Variants in SYNPR observed in about 807,000 individuals in gnomAD.
SYNPR encodes synaptoporin.
A neutral mutation model predicts 32.9 loss-of-function variants in SYNPR; 23 were observed. That is an observed-to-expected ratio of 0.70 (90% CI 0.50 to 0.99). The LOEUF is 0.99. Ranked by LOEUF, SYNPR falls within the 50% of genes least tolerant of loss-of-function variation. The pLI is 0.00. For missense variants in SYNPR, 318 were observed against 349.3 expected, an observed-to-expected ratio of 0.91 and a Z score of 0.71; for synonymous variants, 146 against 135.9, an observed-to-expected ratio of 1.07 and a Z score of -0.52.
At chr3:63,488,041 T>C (rs192212378) in intron 3 of SYNPR, among the ~76,000 whole-genome samples, 18 of 152,194 alleles carry the variant, frequency 1.2e-4, no homozygotes, top group African/African-American at 3.1e-4. Flanking sequence ...AGCTGTGGAG[T>C]TTGGGCCATT....
intron 1 of SYNPR, among the ~76,000 whole-genome samples, chr3:63,246,438 G>A (rs9817648): frequency 0.84 from 127,204 of 152,012 alleles, 53,862 homozygotes; most frequent in African/African-American, 0.91. Context: ...GGCACTGGAG[G>A]TGCAGTGAAC....
chr3:63,585,178 A>G (rs966521653), intron 4 of SYNPR, among the ~76,000 whole-genome samples: 3 of 152,166 alleles, frequency 2.0e-5, no homozygotes, highest in Non-Finnish European at 4.4e-5. Flanking sequence ...ACAGTTATAT[A>G]TTGGAAATAT....
intron 1 of SYNPR, among the ~76,000 whole-genome samples, chr3:63,252,034 G>GGTAC (rs1015263097): frequency 1.3e-5 from 2 of 151,172 alleles, no homozygotes; most frequent in African/African-American, 4.9e-5. Context: ...ATGGTATGGG[G>GGTAC]GTACCATGGA....
chr3:63,444,224 A>G (rs1700232635), intron 2 of SYNPR: 2 of 152,220 alleles, frequency 1.3e-5, no homozygotes. Flanking sequence ...CTACTGCAAA[A>G]TGACTGTCCG....
rs574030194 is a variant in SYNPR at position 63,289,986 on chromosome 3, C to T, written c.84+11244C>T. On this transcript the variant is annotated intron_variant, in intron 2 of 5. Coordinates refer to ENST00000478300, the MANE Select transcript of SYNPR (RefSeq NM_001130003.2). ...TCTACTAAAAATACAAAAAATTAGC[C>T]GGGCGTGGTGGCGGGTGTCTGTAGT... Among the ~76,000 whole-genome samples, 9 of 151,840 alleles carry T rather than the reference C, an allele frequency of 5.9e-5. No homozygotes were observed. The South Asian group carries it at 6.3e-4, about 11-fold the overall frequency.
chr3:63,418,435 G>A (rs530522607), intron 2 of SYNPR, among the ~76,000 whole-genome samples: 2 of 152,140 alleles, frequency 1.3e-5, no homozygotes, highest in Admixed American at 6.5e-5. Context: ...ACCCCTGCCT[G>A]TTAGCCAGTT....
At chr3:63,343,613 C>T (rs1211469205) in intron 2 of SYNPR, among the ~76,000 whole-genome samples, 1 of 152,158 alleles carries the variant, frequency 6.6e-6, no homozygotes, top group African/African-American at 2.4e-5. Flanking sequence ...CATCTAAGTC[C>T]ATGAAGTTTA....
chr3:63,615,264 T>C lies in SYNPR; in HGVS notation c.641T>C (p.Ile214Thr), dbSNP rs776548504. 1.2e-6 allele frequency: 2 copies of C among 1,613,642 alleles called. No homozygotes were observed. The highest frequency in any genetic ancestry group is 2.2e-5 in the East Asian group (1 of 44,884). ...FLNFILWAGN[I>T]WFVFKETGWH... ...AACTTTATTCTCTGGGCTGGAAACA[T>C]ATGGTTTGTTTTCAAGGAGACCGGC... The change falls in exon 6 of 6, where the codon ATA becomes ACA. Residue 214 changes from isoleucine (I) to threonine (T), a missense_variant. By Grantham distance (89) the Ile-to-Thr change is moderately conservative (BLOSUM62 -1). Transcript: ENST00000478300.
At chr3:63,322,468 G>C (rs1461373677) in intron 2 of SYNPR, among the ~76,000 whole-genome samples, 8 of 152,074 alleles carry the variant, frequency 5.3e-5, no homozygotes, top group African/African-American at 1.7e-4. Flanking sequence ...GAGTAAGTCA[G>C]GGCTTAAATC....
intron 5 of SYNPR, 76 bp from the exon 6 acceptor site, chr3:63,615,148 A>C: frequency 6.6e-7 from 1 of 1,511,178 alleles, no homozygotes; most frequent in Non-Finnish European, 8.9e-7. Flanking sequence ...TGTATTGTGA[A>C]GGATTTTTCC....
At chr3:63,222,011 A>ATTT in the SYNPR span, among the ~76,000 whole-genome samples, 924 of 56,366 alleles carry the variant, frequency 0.016, 128 homozygotes, top group Middle Eastern at 0.05. Flanking sequence ...GCCATGCTCA[A>ATTT]TTTTTTTTTT....
chr3:63,410,128 C>T (rs1158809819), intron 2 of SYNPR, among the ~76,000 whole-genome samples: 2 of 152,194 alleles, frequency 1.3e-5, no homozygotes, highest in Admixed American at 1.3e-4. Context: ...ATGGAAGTCA[C>T]TCATTCATGC....
At chr3:63,238,175 C>T (rs2086213216) in intron 1 of SYNPR, among the ~76,000 whole-genome samples, 1 of 152,110 alleles carries the variant, frequency 6.6e-6, no homozygotes, top group South Asian at 2.1e-4. Context: ...GTCTTGCCTC[C>T]TGCTTACTAT....
intron 2 of SYNPR, among the ~76,000 whole-genome samples, chr3:63,323,391 A>C (rs1560192136): frequency 6.6e-6 from 1 of 152,086 alleles, no homozygotes; most frequent in Non-Finnish European, 1.5e-5. Flanking sequence ...ACTGGATGAA[A>C]TTTATTCAAT....
rs556853933 is a variant in SYNPR, at chr3:63,540,255, C to G, written c.210-16288C>G. 1.1e-4 allele frequency among the ~76,000 whole-genome samples: 16 copies of G among 152,100 alleles called. 1 individual carries two copies. The East Asian group carries it at 3.1e-3, about 30-fold the overall frequency. On this transcript the variant is annotated intron_variant, in intron 3 of 5. Transcript: ENST00000478300. ...ATCACCTTAATTATTAGGTAGCAAA[C>G]AGTATATTAAAGATTGTGTTTAATT...
At chr3:63,224,498 A>G (rs184044167), upstream of SYNPR, among the ~76,000 whole-genome samples, 59 of 152,366 alleles carry the variant, frequency 3.9e-4, 1 homozygote, top group Admixed American at 2.0e-3. Context: ...AATACAGCAC[A>G]GTTGAACTAA....
rs375064862 is a variant in SYNPR at position 63,301,503 on chromosome 3, C to T, written c.84+22761C>T. The stretch of plus-strand genomic sequence containing the variant: ...AGAAATGGGTAGAAGGCATTATTTA[C>T]AATCTCATATTGAGTTGATGTCTAC... On this transcript the variant is annotated intron_variant, in intron 2 of 5. Coordinates refer to ENST00000478300, the MANE Select transcript of SYNPR (RefSeq NM_001130003.2). Among the ~76,000 whole-genome samples the T allele has an allele frequency of 9.2e-5, 14 of 152,156 alleles. No homozygotes were observed. In the East Asian group the frequency reaches 2.7e-3, roughly 29 times the overall value.
chr3:63,382,079 T>G (rs1008509630), intron 2 of SYNPR, among the ~76,000 whole-genome samples: 3 of 152,220 alleles, frequency 2.0e-5, no homozygotes, highest in African/African-American at 7.2e-5. Flanking sequence ...AATGTTATTA[T>G]TTTCACCATC....
intron 2 of SYNPR, among the ~76,000 whole-genome samples, chr3:63,306,881 G>C (rs1390015612): frequency 1.3e-5 from 2 of 151,818 alleles, no homozygotes; most frequent in Non-Finnish European, 1.5e-5. Context: ...TTTTTCAACT[G>C]TCATCTTTGT....
Sources: allele counts gnomAD v4.1 joint callset (sites outside exome capture counted in the v4.1 genomes callset), GRCh38; gene constraint gnomAD v4.1.1; transcripts MANE v1.5; gene names NCBI Gene and HGNC (gene_info 2026-07-23, HGNC 2026-07-21).